The following EYA1 variants were observed in gnomAD, a reference collection of about 807,000 sequenced individuals.
The protein encoded by EYA1 is EYA transcriptional coactivator and phosphatase 1, also known as protein phosphatase EYA1.
In EYA1, 16 loss-of-function variants were observed where a neutral mutation model predicts 82.0. The observed-to-expected ratio is 0.20, with a 90% CI of 0.13 to 0.30. The LOEUF is 0.30. EYA1 is among the 10% of genes least tolerant of loss of function. The probability of loss-of-function intolerance (pLI) is 1.00; values close to 1 mark genes in which losing one functional copy is unlikely to be tolerated. For missense variants in EYA1, 633 were observed against 730.7 expected, an observed-to-expected ratio of 0.87 and a Z score of 1.54; for synonymous variants, 261 against 264.4, an observed-to-expected ratio of 0.99 and a Z score of 0.12.
intron 2 of EYA1, among the ~76,000 whole-genome samples, chr8:71,513,171 G>A (rs1035561825): frequency 1.3e-5 from 2 of 151,910 alleles, no homozygotes; most frequent in African/African-American, 4.8e-5. Flanking sequence ...GAAAAATTAC[G>A]CCACTAAAAA....
intron 2 of EYA1, among the ~76,000 whole-genome samples, chr8:71,382,844 A>G (rs763668334): frequency 2.6e-5 from 4 of 152,068 alleles, no homozygotes; most frequent in Non-Finnish European, 5.9e-5. Context: ...TCTCAAGAAG[A>G]TTCTATAACG....
Position 71,226,967 on chromosome 8 carries a change from AGTGCAAACCTT to A in EYA1, c.1141-9955_1141-9945del, listed in dbSNP as rs111942596. On this transcript the variant is annotated intron_variant, in intron 12 of 17. Coordinates refer to ENST00000340726, the MANE Select transcript of EYA1 (RefSeq NM_000503.6). ...AATTTTACAAATTTGTATCATAACC[AGTGCAAACCTT>A]CATATACCACACAGGGCAATGCATT... is the stretch of plus-strand genomic sequence containing the variant. Among the ~76,000 whole-genome samples the A allele has an allele frequency of 3.7e-3, 563 of 152,230 alleles. 2 individuals carry two copies. Among genetic ancestry groups the A allele is most frequent in the African/African-American group, 0.011 (477 of 41,574 alleles).
chr8:71,217,042 G>C lies in EYA1; in HGVS notation c.1141-19C>G. On this transcript the variant is annotated intron_variant, in intron 12 of 17. Coordinates refer to ENST00000340726, the MANE Select transcript of EYA1 (RefSeq NM_000503.6). ...CACATTCCTAAAATGCAATTAAAAT[G>C]ATACATGTCAATTTTTTAAGAGTAC... 6 of 1,591,064 alleles carry C rather than the reference G, an allele frequency of 3.8e-6. No homozygotes were observed. The highest frequency in any genetic ancestry group is 5.2e-6 in the Non-Finnish European group (6 of 1,159,542).
At chr8:71,408,572 C>A (rs1830409998) in intron 2 of EYA1, among the ~76,000 whole-genome samples, 1 of 102,400 alleles carries the variant, frequency 9.8e-6, no homozygotes, top group South Asian at 3.6e-4. Flanking sequence ...GGGTTGCAAT[C>A]CTAGTCTCTG....
At chr8:71,266,228 C>T (rs1447610687) in intron 11 of EYA1, among the ~76,000 whole-genome samples, 2 of 152,144 alleles carry the variant, frequency 1.3e-5, no homozygotes, top group Non-Finnish European at 2.9e-5. Context: ...CACATGCTCC[C>T]CTTGACAATG....
chr8:71,459,876 A>G (rs917446088), intron 2 of EYA1, among the ~76,000 whole-genome samples: 5 of 152,132 alleles, frequency 3.3e-5, no homozygotes, highest in African/African-American at 1.2e-4. Flanking sequence ...AAATAAATTA[A>G]TATTTCAATT....
chr8:71,474,706 G>C lies in EYA1; in HGVS notation c.33+61038C>G, dbSNP rs187195955. Reference sequence around the variant, plus strand: ...AAGGGTTTTTATTTCTCTCTCCCATGTCAAAGATATATAAAGATTATTTAT... The same window carrying C: ...AAGGGTTTTTATTTCTCTCTCCCATCTCAAAGATATATAAAGATTATTTAT... On this transcript the variant is annotated intron_variant, in intron 2 of 18. Transcript: ENST00000643681. Among the ~76,000 whole-genome samples, 5 of 152,112 alleles carry C rather than the reference G, an allele frequency of 3.3e-5. No homozygotes were observed. The East Asian group carries it at 9.6e-4, about 29-fold the overall frequency.
rs148034168 is a variant in EYA1, at chr8:71,260,259, A to T, written c.1050+9481T>A. Among the ~76,000 whole-genome samples, 257 of 152,320 alleles carry T rather than the reference A, an allele frequency of 1.7e-3. 3 individuals are homozygous for T. In the South Asian group the frequency reaches 0.017, roughly 10 times the overall value. On this transcript the variant is annotated intron_variant, in intron 11 of 17. Transcript: ENST00000340726. ...AAATGCTTTAAGTCAACATTTAAGA[A>T]CTATTTTAATGGCTAAGTCATTGTT...
At chr8:71,292,691 G>A (rs1819134446) in intron 9 of EYA1, among the ~76,000 whole-genome samples, 1 of 151,862 alleles carries the variant, frequency 6.6e-6, no homozygotes, top group Non-Finnish European at 1.5e-5. Flanking sequence ...ATCATTAAAA[G>A]GGAGGATTCC....
chr8:71,413,452 G>C (rs1830708170), intron 2 of EYA1, among the ~76,000 whole-genome samples: 1 of 152,084 alleles, frequency 6.6e-6, no homozygotes, highest in Non-Finnish European at 1.5e-5. Flanking sequence ...AAACTCTTAT[G>C]GGAATCCAAT....
At chr8:71,407,719 A>C (rs199624279) in intron 2 of EYA1, among the ~76,000 whole-genome samples, 121 of 112,100 alleles carry the variant, frequency 1.1e-3, no homozygotes, top group South Asian at 2.3e-3. Context: ...ATATGGGACT[A>C]TGTGAAAACA....
At chr8:71,453,878 C>T (rs1807625392) in intron 2 of EYA1, among the ~76,000 whole-genome samples, 1 of 152,134 alleles carries the variant, frequency 6.6e-6, no homozygotes, top group African/African-American at 2.4e-5. Flanking sequence ...AGCAAAATAA[C>T]CAGCTAACAT....
chr8:71,547,765 G>T (rs1223030389), intron 1 of EYA1: 1 of 150,732 alleles, frequency 6.6e-6, no homozygotes, highest in Non-Finnish European at 1.5e-5. Flanking sequence ...CCGGCGGGGC[G>T]GCCGAGCGGG....
At chr8:71,357,595 G>A (rs901260166) in intron 1 of EYA1, among the ~76,000 whole-genome samples, 12 of 152,284 alleles carry the variant, frequency 7.9e-5, no homozygotes, top group African/African-American at 2.9e-4. Context: ...GAACAAAGAT[G>A]AGAACTAAAG....
At chr8:71,309,964 A>T (rs1563440961) in intron 7 of EYA1, among the ~76,000 whole-genome samples, 1 of 152,238 alleles carries the variant, frequency 6.6e-6, no homozygotes. Flanking sequence ...TAAAACCTAA[A>T]GGAAAATAAA....
At chr8:71,337,670 G>A (rs1001829875) in intron 3 of EYA1, among the ~76,000 whole-genome samples, 1 of 152,072 alleles carries the variant, frequency 6.6e-6, no homozygotes, top group Admixed American at 6.6e-5. Flanking sequence ...CTGTATTACA[G>A]GAATAAGAAT....
At chr8:71,277,115 A>ATGCTTTTTTTTTTT (rs1563383057) in intron 9 of EYA1, among the ~76,000 whole-genome samples, 2 of 76,938 alleles carry the variant, frequency 2.6e-5, no homozygotes, top group African/African-American at 5.3e-5. Flanking sequence ...GGCTTCACAC[A>ATGCTTTTTTTTTTT]TTTTTTTTTT....
rs28555324 is a variant in EYA1 at position 71,240,317 on chromosome 8, T to C, written c.1140+4286A>G. 3.5e-3 allele frequency among the ~76,000 whole-genome samples: 535 copies of C among 151,700 alleles called. 5 individuals are homozygous for C. Among genetic ancestry groups the C allele is most frequent in the African/African-American group, 0.013 (518 of 41,342 alleles). ...GGGTGAAAACAAGGGGCAACAAGTC[T>C]AGGTGTTCAAATATCAGACCCGGGC... On this transcript the variant is annotated intron_variant, in intron 12 of 17. Coordinates refer to ENST00000340726, the MANE Select transcript of EYA1 (RefSeq NM_000503.6).
intron 9 of EYA1, among the ~76,000 whole-genome samples, chr8:71,296,732 C>T (rs1448146969): frequency 6.6e-6 from 1 of 151,834 alleles, no homozygotes; most frequent in African/African-American, 2.4e-5. Context: ...TTTAATAAGT[C>T]ATTTCTAAAT....
Sources: gnomAD v4.1 joint callset for allele counts (sites outside exome capture counted in the v4.1 genomes callset) on GRCh38, gnomAD v4.1.1 for gene constraint, MANE v1.5 for transcripts, NCBI Gene and HGNC (gene_info 2026-07-23, HGNC 2026-07-21) for gene names.